RPS24: variants seen among roughly 807,000 people sequenced by gnomAD.
RPS24 encodes the protein ribosomal protein S24, also known as small ribosomal subunit protein eS24.
For missense variants in RPS24, 100 were observed against 162.5 expected (o/e 0.62, Z 2.09); for synonymous variants, 72 against 55.6 (o/e 1.30, Z -1.31).
chr10:78,036,824 A>G lies in RPS24; in HGVS notation c.280-370A>G, dbSNP rs1325345510. Among the ~76,000 whole-genome samples, 4 of 152,132 alleles carry G rather than the reference A, an allele frequency of 2.6e-5. No individual in the cohort carries two copies. In the East Asian group the frequency reaches 7.7e-4, roughly 29 times the overall value. On this transcript the variant is annotated intron_variant, in intron 3 of 5. Transcript: ENST00000372360. ...GGGGTTGTAAATGCTTGTCTGTCATAAGGGAGTAATGGGGAGTTGAAATGG... is the reference window on the plus strand; with the variant it reads ...GGGGTTGTAAATGCTTGTCTGTCATGAGGGAGTAATGGGGAGTTGAAATGG...
At chr10:78,037,068 A>G (rs2131979375) in intron 3 of RPS24, 126 bp from the exon 4 acceptor site, 4 of 1,113,490 alleles carry the variant, frequency 3.6e-6, no homozygotes, top group African/African-American at 1.6e-5. Flanking sequence ...CATTAAATGT[A>G]CTTGAAAAGT....
downstream of RPS24, among the ~76,000 whole-genome samples, chr10:78,041,137 C>CT (rs373334490): frequency 4.3e-3 from 650 of 152,068 alleles, 4 homozygotes; most frequent in African/African-American, 0.015. Flanking sequence ...GGCTTAGAGT[C>CT]TAAAAAGTAC....
rs770499261 is a variant in RPS24 at position 78,047,047 on chromosome 10, G to A, written c.391-7484G>A. 4.8e-4 allele frequency among the ~76,000 whole-genome samples: 73 copies of A among 151,720 alleles called. 1 individual carries two copies. The highest frequency in any genetic ancestry group is 1.5e-3 in the South Asian group (7 of 4,814). On this transcript the variant is annotated intron_variant, in intron 4 of 4. Transcript: ENST00000440692. ...GTGATCTTGCTTCACTGCAACCTCC[G>A]CCTCCTGGGTGCGATTCTCCACCTC...
chr10:78,040,990 G>A (rs1847979209), downstream of RPS24, among the ~76,000 whole-genome samples: 2 of 152,036 alleles, frequency 1.3e-5, no homozygotes, highest in Admixed American at 1.3e-4. Context: ...AAGCCCAGGA[G>A]CTCGAGGCTA....
At chr10:78,055,631 G>T (rs146163875) in exon 5 of RPS24, 62 of 152,314 alleles carry the variant, frequency 4.1e-4, no homozygotes, top group African/African-American at 1.4e-3. Context: ...CCGGTCACTC[G>T]AGAAGGCTTT....
intron 3 of RPS24, 130 bp downstream of exon 3, chr10:78,035,850 G>A: frequency 1.2e-6 from 1 of 830,766 alleles, no homozygotes; most frequent in Non-Finnish European, 2.0e-6. Context: ...AAGAGAAAAA[G>A]TTATTTCATA....
At chr10:78,050,106 A>G (rs1245769524) in intron 4 of RPS24, among the ~76,000 whole-genome samples, 2 of 152,110 alleles carry the variant, frequency 1.3e-5, no homozygotes, top group Non-Finnish European at 2.9e-5. Flanking sequence ...TTTCAGAACA[A>G]ATCAGCTCTT....
At chr10:78,053,571 T>TGGAAGGTGAG (rs1340715491) in intron 4 of RPS24, among the ~76,000 whole-genome samples, 3 of 151,798 alleles carry the variant, frequency 2.0e-5, no homozygotes, top group Admixed American at 6.6e-5. Flanking sequence ...TATCTTTGGG[T>TGGAAGGTGAG]GGAAGGTGAG....
chr10:78,043,615 G>A (rs894326386), downstream of RPS24, among the ~76,000 whole-genome samples: 1 of 152,226 alleles, frequency 6.6e-6, no homozygotes, highest in Non-Finnish European at 1.5e-5. Context: ...TGTTCTGCAA[G>A]TTGGGGATAA....
chr10:78,040,735 G>A (rs1023986512), downstream of RPS24: 1 of 1,458,676 alleles, frequency 6.9e-7, no homozygotes, highest in Non-Finnish European at 9.6e-7. Context: ...CAGTTTCCTG[G>A]GACTGCTAGG....
At chr10:78,045,565 T>G (rs976351114), downstream of RPS24, among the ~76,000 whole-genome samples, 6 of 151,674 alleles carry the variant, frequency 4.0e-5, no homozygotes, top group African/African-American at 1.5e-4. Flanking sequence ...CACTGCAACC[T>G]CTGCCTCCTG....
chr10:78,052,719 C>T (rs1848111793), intron 4 of RPS24, among the ~76,000 whole-genome samples: 1 of 152,104 alleles, frequency 6.6e-6, no homozygotes, highest in South Asian at 2.1e-4. Context: ...GGTGTAAGCC[C>T]TGTTTAGCTG....
chr10:78,051,779 T>A (rs1010404157), intron 4 of RPS24, among the ~76,000 whole-genome samples: 14 of 152,206 alleles, frequency 9.2e-5, no homozygotes, highest in Admixed American at 8.5e-4. Flanking sequence ...TGGTATCTCA[T>A]TATGGTTTTG....
chr10:78,054,953 C>T (rs1334058707), exon 5 of RPS24: 16 of 1,491,186 alleles, frequency 1.1e-5, no homozygotes, highest in Non-Finnish European at 1.3e-5. Flanking sequence ...TCTTTGAAAT[C>T]CACCAGGAAT....
chr10:78,035,204 T>G, intron 1 of RPS24, 148 bp from the exon 2 acceptor site: 2 of 755,184 alleles, frequency 2.6e-6, no homozygotes, highest in Non-Finnish European at 4.8e-6. Flanking sequence ...CCTGTGAGTT[T>G]GGCCTTGCCC....
chr10:78,037,418 C>T (rs942972491), intron 4 of RPS24, 114 bp downstream of exon 4: 30 of 1,451,900 alleles, frequency 2.1e-5, no homozygotes, highest in Middle Eastern at 4.1e-4. Context: ...TTCTTCTTTT[C>T]CCTCTTCTTC....
At position 78,034,046 on chromosome 10, in the gene RPS24, G is replaced by A. The variant is rs1847801230; in HGVS notation, c.3+142G>A. 4.6e-6 allele frequency: 5 copies of A among 1,081,264 alleles called. No individual in the cohort carries two copies. In the Admixed American group the frequency reaches 6.9e-5, roughly 15 times the overall value. 67.0% of individuals were successfully genotyped at this position (1,081,264 alleles called of 1,614,324 possible). A position where few individuals can be genotyped will look rare whatever the true frequency, so the allele number is the denominator to read the frequency against. On this transcript the variant is annotated intron_variant, in intron 1 of 5. Coordinates refer to ENST00000372360, the MANE Select transcript of RPS24 (RefSeq NM_033022.4). ...TCTGTCAGAGGATGGTTGTCGAGGG[G>A]CTCGGGGCTGTTGGCAGGGCGTCCG...
intron 4 of RPS24, among the ~76,000 whole-genome samples, chr10:78,049,669 AAGG>A (rs1357397434): frequency 6.6e-6 from 1 of 152,178 alleles, no homozygotes; most frequent in Non-Finnish European, 1.5e-5. Context: ...TGTGAAATCC[AAGG>A]AGGTCTTCAC....
intron 1 of RPS24, among the ~76,000 whole-genome samples, chr10:78,034,629 C>G (rs1029550857): frequency 2.0e-5 from 3 of 152,194 alleles, no homozygotes; most frequent in African/African-American, 7.2e-5. Context: ...CTTGCGCCTC[C>G]TTTTTGGTAA....
Sources: gnomAD v4.1 joint callset for allele counts (sites outside exome capture counted in the v4.1 genomes callset) on GRCh38, gnomAD v4.1.1 for gene constraint, MANE v1.5 for transcripts, NCBI Gene and HGNC (gene_info 2026-07-23, HGNC 2026-07-21) for gene names.